Variants in SMTNL2 observed in about 807,000 individuals in gnomAD.
The protein encoded by SMTNL2 is smoothelin-like protein 2.
A neutral mutation model predicts 44.1 loss-of-function variants in SMTNL2; 43 were observed. That is an observed-to-expected ratio of 0.98 (90% CI 0.76 to 1.26). The LOEUF is 1.26. Among genes scored for constraint, SMTNL2 ranks in the 50% most tolerant of loss-of-function variants. SMTNL2 has a pLI of 0.00. For synonymous variants in SMTNL2, 317 were observed against 287.6 expected, an observed-to-expected ratio of 1.10 and a Z score of -1.03; for missense variants, 646 against 670.2, an observed-to-expected ratio of 0.96 and a Z score of 0.40.
Position 4,584,567 on chromosome 17 carries a change from C to G in SMTNL2, c.-39C>G. ...AGCTGCGGAGCTCGGATCTTCTCCC[C>G]CGTCTGGCCCGCTCTCGACCCGCGC... On this transcript the variant is annotated 5_prime_UTR_variant, in exon 1 of 8. Coordinates refer to ENST00000389313, the MANE Select transcript of SMTNL2 (RefSeq NM_001114974.2). The G allele has an allele frequency of 8.2e-7, 1 of 1,218,436 alleles. No homozygotes were observed. Among genetic ancestry groups the G allele is most frequent in the Non-Finnish European group, 1.0e-6 (1 of 979,112 alleles). The allele number at this position is 1,218,436 out of a possible 1,614,324, so 75.5% of individuals were successfully genotyped here.
At chr17:4,596,005 C>G (rs373684526) in intron 5 of SMTNL2, among the ~76,000 whole-genome samples, 2 of 94,626 alleles carry the variant, frequency 2.1e-5, no homozygotes, top group Non-Finnish European at 4.8e-5. Flanking sequence ...GGTATTGATG[C>G]CTGCTGTGTG....
rs200427222 is a variant in SMTNL2, at chr17:4,593,009, T to C, written c.568T>C (p.Leu190=). 9.9e-6 allele frequency: 16 copies of C among 1,613,974 alleles called. 1 individual carries two copies. The African/African-American group carries it at 1.6e-4, about 16-fold the overall frequency. Residue 190 remains leucine (L), a synonymous_variant, in exon 3 of 8, where the codon TTG becomes CTG. Coordinates refer to ENST00000389313, the MANE Select transcript of SMTNL2 (RefSeq NM_001114974.2). ...CAGGCCTCGTCCTGTGAGCCTCTCCTTGCGGCTGCCCCACCAGCCAGTCAC... is the reference window on the plus strand; with the variant it reads ...CAGGCCTCGTCCTGTGAGCCTCTCCCTGCGGCTGCCCCACCAGCCAGTCAC... ...PPRPRPVSLS[L]RLPHQPVTAI... is the part of the protein sequence containing the mutation.
Position 4,595,041 on chromosome 17 carries a change from G to A in SMTNL2, c.807-104G>A, listed in dbSNP as rs1206931353. ...GCCTCTTCTCTGAGCGCCCATCACG[G>A]TGCAGGCTGCCTTGTCCACACTCAG... On this transcript the variant is annotated intron_variant, in intron 4 of 7. Transcript: ENST00000389313. This position sits in a 1 kb window ranked among gnomAD's most constrained non-coding sequence, Gnocchi z 5.1. 2.7e-6 allele frequency: 4 copies of A among 1,502,364 alleles called. No homozygotes were observed. Among genetic ancestry groups the A allele is most frequent in the Admixed American group, 1.7e-5 (1 of 58,364 alleles). The allele number at this position is 1,502,364 out of a possible 1,614,324, so 93.1% of individuals were successfully genotyped here.
At chr17:4,597,450 G>A in intron 7 of SMTNL2, 127 bp downstream of exon 7, 1 of 1,330,200 alleles carries the variant, frequency 7.5e-7, no homozygotes, top group East Asian at 2.4e-5. Context: ...GGACCCTGGG[G>A]CCATGTGGTC....
intron 3 of SMTNL2, among the ~76,000 whole-genome samples, chr17:4,593,528 T>C (rs529305366): frequency 4.8e-4 from 73 of 152,290 alleles, no homozygotes; most frequent in Non-Finnish European, 1.3e-4. Flanking sequence ...TGGGCCTCTA[T>C]AGGGAGGGTT....
At position 4,598,920 on chromosome 17, in the gene SMTNL2, C is replaced by T. The variant is rs138984383; in HGVS notation, c.1259+1597C>T. ...TTCCTCATTCCTTTCCCAGCCCAAC[C>T]ACCAACCACCTGGCCCCGGCCCCAG... On this transcript the variant is annotated intron_variant, in intron 7 of 7. Coordinates refer to ENST00000389313, the MANE Select transcript of SMTNL2 (RefSeq NM_001114974.2). This position sits in a 1 kb window ranked among gnomAD's most constrained non-coding sequence, Gnocchi z 4.8. Among the ~76,000 whole-genome samples the T allele has an allele frequency of 7.7e-4, 118 of 152,320 alleles. No individual in the cohort carries two copies. The highest frequency in any genetic ancestry group is 1.4e-3 in the Non-Finnish European group (95 of 68,030).
At position 4,592,449 on chromosome 17, in the gene SMTNL2, G is replaced by C. The variant is rs763111528; in HGVS notation, c.487+1G>C. On this transcript the variant is annotated splice_donor_variant, in intron 2 of 7. Coordinates refer to ENST00000389313, the MANE Select transcript of SMTNL2 (RefSeq NM_001114974.2). LOFTEE classifies it high-confidence loss of function. The surrounding 1 kb of genome is among the most constrained non-coding windows in gnomAD (Gnocchi z 4.5). Reference sequence around the variant, plus strand: ...GAAAATGGGCACCAGCCGGGGGCAGGTAGGGCTGACGGCAGAGGAGGGGTG... The same window carrying C: ...GAAAATGGGCACCAGCCGGGGGCAGCTAGGGCTGACGGCAGAGGAGGGGTG... The C allele has an allele frequency of 6.2e-7, 1 of 1,612,250 alleles. No individual in the cohort carries two copies. The highest frequency in any genetic ancestry group is 2.2e-5 in the East Asian group (1 of 44,866).
Position 4,584,616 on chromosome 17 carries a change from C to T in SMTNL2, c.11C>T (p.Ala4Val), listed in dbSNP as rs1909264055. ...GCGCTCTGCTGGGCCATGGAGCCGG[C>T]CCCCGACGCCCAGGAGGCGCGCACT... MEP[A>V]PDAQEARTVR... The change falls in exon 1 of 8, where the codon GCC (alanine) becomes GTC (valine). Residue 4 changes from alanine to valine, a missense_variant. By Grantham distance (64) the Ala-to-Val change is moderately conservative (BLOSUM62 0). Coordinates refer to ENST00000389313, the MANE Select transcript of SMTNL2 (RefSeq NM_001114974.2). 9 of 1,242,126 alleles carry T rather than the reference C, an allele frequency of 7.2e-6. No homozygotes were observed. Among genetic ancestry groups the T allele is most frequent in the East Asian group, 6.5e-5 (2 of 30,696 alleles). 76.9% of individuals were successfully genotyped at this position (1,242,126 alleles called of 1,614,324 possible). A position where few individuals can be genotyped will look rare whatever the true frequency, so the allele number is the denominator to read the frequency against.
intron 3 of SMTNL2, 35 bp from the exon 4 acceptor site, chr17:4,593,787 A>G (rs765492714): frequency 5.6e-6 from 9 of 1,605,512 alleles, no homozygotes; most frequent in East Asian, 2.2e-5. Flanking sequence ...CCCTGGGGCC[A>G]GGGTTTGTTA....
At chr17:4,604,572 C>G (rs966420837) in intron 7 of SMTNL2, among the ~76,000 whole-genome samples, 26 of 152,196 alleles carry the variant, frequency 1.7e-4, no homozygotes, top group Admixed American at 1.2e-3. Context: ...GGGGTCTCCC[C>G]TCTGGCTGGG....
Position 4,584,825 on chromosome 17 carries a change from C to T in SMTNL2, c.220C>T (p.Leu74Phe). Residue 74 changes from leucine to phenylalanine, a missense_variant, in exon 1 of 8, where the codon CTC becomes TTC. By Grantham distance (22) the Leu-to-Phe change is conservative. Coordinates refer to ENST00000389313, the MANE Select transcript of SMTNL2 (RefSeq NM_001114974.2). ...GGACAACCAGCGGCTGCAGGCGCAG[C>T]TCGAGCGCCTGACGCGCCAGGTGGA... Reference protein sequence around the residue: ...QRDNQRLQAQLERLTRQVEAL... With the variant: ...QRDNQRLQAQFERLTRQVEAL... 5 of 1,327,504 alleles carry T rather than the reference C, an allele frequency of 3.8e-6. No homozygotes were observed. The highest frequency in any genetic ancestry group is 4.8e-6 in the Non-Finnish European group (5 of 1,039,818). The allele number at this position is 1,327,504 out of a possible 1,614,324, so 82.2% of individuals were successfully genotyped here. A position where few individuals can be genotyped will look rare whatever the true frequency, so the allele number is the denominator to read the frequency against.
chr17:4,602,993 C>T (rs557283879), intron 7 of SMTNL2, among the ~76,000 whole-genome samples: 4 of 152,320 alleles, frequency 2.6e-5, no homozygotes, highest in Non-Finnish European at 4.4e-5. Flanking sequence ...CTGGGGAAGC[C>T]GGCGATCTGG....
rs929460130 is a variant in SMTNL2 at position 4,592,774 on chromosome 17, C to T, written c.488-155C>T. Among the ~76,000 whole-genome samples the T allele has an allele frequency of 6.6e-6, 1 of 152,080 alleles. No individual in the cohort carries two copies. The highest frequency in any genetic ancestry group is 2.4e-5 in the African/African-American group (1 of 41,412). On this transcript the variant is annotated intron_variant, in intron 2 of 7. Transcript: ENST00000389313. This position sits in a 1 kb window ranked among gnomAD's most constrained non-coding sequence, Gnocchi z 4.5. The stretch of plus-strand genomic sequence containing the variant: ...ATTCTGGTTGGAGCAGTAAGATATC[C>T]CTGGTAGGGGAGGTCAGAGAGGCTG...
intron 4 of SMTNL2, among the ~76,000 whole-genome samples, chr17:4,594,643 G>T (rs1909727785): frequency 6.6e-6 from 1 of 152,012 alleles, no homozygotes. Flanking sequence ...CTTCCCTGTG[G>T]CACAGGCCTC....
intron 3 of SMTNL2, 65 bp downstream of exon 3, chr17:4,593,236 G>T (rs984933213): frequency 1.3e-6 from 2 of 1,513,506 alleles, no homozygotes; most frequent in African/African-American, 2.8e-5. Context: ...GAAGGCCGGG[G>T]CTGGGGAGAG....
intron 7 of SMTNL2, among the ~76,000 whole-genome samples, chr17:4,601,886 A>C (rs1910051151): frequency 6.6e-6 from 1 of 151,940 alleles, no homozygotes; most frequent in East Asian, 1.9e-4. Context: ...TTTTTAATTT[A>C]AAAGGCAATT....
intron 7 of SMTNL2, among the ~76,000 whole-genome samples, chr17:4,599,078 C>G (rs545360855): frequency 6.6e-6 from 1 of 152,322 alleles, no homozygotes; most frequent in African/African-American, 2.4e-5. Context: ...TCTGGGGCAG[C>G]AACTCTCTCT....
Position 4,592,812 on chromosome 17 carries a change from AG to A in SMTNL2, c.488-115del. On this transcript the variant is annotated intron_variant, in intron 2 of 7. Transcript: ENST00000389313. The surrounding 1 kb of genome is among the most constrained non-coding windows in gnomAD (Gnocchi z 4.5). ...GTCAGAGAGGCTGGAGCAGTCAGGG[AG>A]GCCTTCCTAGAGGAGGTGGGAGGAG... The A allele has an allele frequency of 2.2e-6, 3 of 1,382,130 alleles. No homozygotes were observed. The highest frequency in any genetic ancestry group is 2.9e-6 in the Non-Finnish European group (3 of 1,024,384). 85.6% of individuals were successfully genotyped at this position (1,382,130 alleles called of 1,614,324 possible).
In SMTNL2 at chr17:4,607,064, A is replaced by G. The variant is rs555873059; in HGVS notation, c.1260-297A>G. Among the ~76,000 whole-genome samples the G allele has an allele frequency of 1.3e-5, 2 of 152,302 alleles. No individual in the cohort carries two copies. Among genetic ancestry groups the G allele is most frequent in the East Asian group, 3.9e-4 (2 of 5,188 alleles). ...CGTGCCTCTGTACTCATGCCTGGGC[A>G]ACAGAGCAAGCCCCTGTCTCTAAAA... On this transcript the variant is annotated intron_variant, in intron 7 of 7. Coordinates refer to ENST00000389313, the MANE Select transcript of SMTNL2 (RefSeq NM_001114974.2). This position sits in a 1 kb window ranked among gnomAD's most constrained non-coding sequence, Gnocchi z 4.7.
Sources: gnomAD v4.1 joint callset for allele counts (sites outside exome capture counted in the v4.1 genomes callset) on GRCh38, gnomAD v4.1.1 for gene constraint, Gnocchi (gnomAD v3.1) non-coding constraint, MANE v1.5 for transcripts, NCBI Gene and HGNC (gene_info 2026-07-23, HGNC 2026-07-21) for gene names.